The following DIP2B variants were observed in gnomAD, a reference collection of about 807,000 sequenced individuals.
The protein encoded by DIP2B is DIP2 acetate--CoA ligase B (putative).
Under a neutral mutation model 198.0 loss-of-function variants are expected in DIP2B, and 76 were observed. The ratio of observed to expected loss-of-function variants is 0.38; its 90% CI spans 0.32 to 0.46. DIP2B has a LOEUF of 0.46. Ranked by LOEUF, DIP2B falls within the 20% of genes least tolerant of loss-of-function variation. The pLI is 0.99. For missense variants in DIP2B, 1,559 were observed against 1,978.4 expected, an observed-to-expected ratio of 0.79 and a Z score of 4.02; for synonymous variants, 701 against 739.1, an observed-to-expected ratio of 0.95 and a Z score of 0.84.
chr12:50,575,993 G>C (rs1189867271), intron 1 of DIP2B, among the ~76,000 whole-genome samples: 1 of 152,002 alleles, frequency 6.6e-6, no homozygotes, highest in Non-Finnish European at 1.5e-5. Context: ...CCTGACCTTA[G>C]ATGATCTGCC....
Position 50,576,138 on chromosome 12 carries a change from C to T in DIP2B, c.101-49838C>T, listed in dbSNP as rs544142412. On this transcript the variant is annotated intron_variant, in intron 1 of 37. Transcript: ENST00000301180. Reference sequence around the variant, plus strand: ...AGGCTGGAGTGCAGTGGCGTGATCTCGGCTTACTACAACCTCCGCCTCCTG... The same window carrying T: ...AGGCTGGAGTGCAGTGGCGTGATCTTGGCTTACTACAACCTCCGCCTCCTG... Among the ~76,000 whole-genome samples, 158 of 151,190 alleles carry T rather than the reference C, an allele frequency of 1.0e-3. 1 individual carries two copies. Among genetic ancestry groups the T allele is most frequent in the African/African-American group, 3.7e-3 (152 of 41,136 alleles).
At chr12:50,629,365 C>T (rs924839204) in intron 2 of DIP2B, among the ~76,000 whole-genome samples, 1 of 152,166 alleles carries the variant, frequency 6.6e-6, no homozygotes, top group Non-Finnish European at 1.5e-5. Flanking sequence ...TGTTAATACA[C>T]AGACTGCAGG....
In DIP2B at chr12:50,738,418, A is replaced by G. The variant is rs576907275; in HGVS notation, c.4177-991A>G. ...GAGGCTGAAGCAGGAGTTTGAGGCC[A>G]CTCCACTTTGAGGCCAGGAGTTTGA... On this transcript the variant is annotated intron_variant, in intron 35 of 37. Transcript: ENST00000301180. Among the ~76,000 whole-genome samples the G allele has an allele frequency of 3.3e-5, 5 of 152,126 alleles. No homozygotes were observed. The East Asian group carries it at 9.7e-4, about 29-fold the overall frequency.
At chr12:50,617,420 G>T (rs933257364) in intron 1 of DIP2B, among the ~76,000 whole-genome samples, 2 of 151,804 alleles carry the variant, frequency 1.3e-5, no homozygotes, top group African/African-American at 2.4e-5. Flanking sequence ...CTCCCAAAGT[G>T]CTGGGATTAC....
chr12:50,653,341 C>CTTTTTTTTTTTTTTTTTTT (rs1323702401), intron 3 of DIP2B, among the ~76,000 whole-genome samples: 5 of 70,142 alleles, frequency 7.1e-5, no homozygotes, highest in Non-Finnish European at 1.2e-4. Flanking sequence ...TTTTTTTTTT[C>CTTTTTTTTTTTTTTTTTTT]TTTTCTTTTT....
At position 50,559,578 on chromosome 12, in the gene DIP2B, A is replaced by G. The variant is rs562983978; in HGVS notation, c.100+54338A>G. Among the ~76,000 whole-genome samples the G allele has an allele frequency of 1.2e-3, 182 of 152,126 alleles. 4 individuals are homozygous for G. The Middle Eastern group carries it at 0.024, about 20-fold the overall frequency. ...CAACATAGCAAGATCTGGTCTCCACAAAAAATTAGCCAGGTGTGGTGGTGC... is the reference window on the plus strand; with the variant it reads ...CAACATAGCAAGATCTGGTCTCCACGAAAAATTAGCCAGGTGTGGTGGTGC... On this transcript the variant is annotated intron_variant, in intron 1 of 37. Transcript: ENST00000301180.
intron 14 of DIP2B, among the ~76,000 whole-genome samples, chr12:50,694,057 G>A (rs1239834506): frequency 6.6e-6 from 1 of 152,120 alleles, no homozygotes; most frequent in African/African-American, 2.4e-5. Context: ...GATGTAGGCA[G>A]GACCTCCTGT....
intron 1 of DIP2B, among the ~76,000 whole-genome samples, chr12:50,527,129 A>G (rs969535840): frequency 2.0e-5 from 3 of 152,232 alleles, no homozygotes; most frequent in Non-Finnish European, 4.4e-5. Context: ...TCTTGGCTAC[A>G]TTCCATCTTT....
chr12:50,595,925 A>G (rs1199278785), intron 1 of DIP2B, among the ~76,000 whole-genome samples: 1 of 152,190 alleles, frequency 6.6e-6, no homozygotes, highest in Non-Finnish European at 1.5e-5. Context: ...CTCAAGGAGT[A>G]GGATTTCTTT....
chr12:50,567,878 G>A (rs1958579889), intron 1 of DIP2B, among the ~76,000 whole-genome samples: 1 of 152,168 alleles, frequency 6.6e-6, no homozygotes, highest in Non-Finnish European at 1.5e-5. Flanking sequence ...TTGGGTATCT[G>A]TTGATTGTCT....
intron 1 of DIP2B, among the ~76,000 whole-genome samples, chr12:50,623,437 ACTCTCTCTCT>A (rs142536204): frequency 2.6e-4 from 15 of 57,164 alleles, no homozygotes; most frequent in African/African-American, 1.1e-3. Context: ...ACACACACAC[ACTCTCTCTCT>A]CTCTCTCTCT....
chr12:50,673,336 G>T lies in DIP2B; in HGVS notation c.641-1138G>T, dbSNP rs555749297. Among the ~76,000 whole-genome samples, 147 of 152,196 alleles carry T rather than the reference G, an allele frequency of 9.7e-4. 1 individual carries two copies. The highest frequency in any genetic ancestry group is 5.9e-3 in the Admixed American group (90 of 15,294). ...CAAAAAACTTAGAAGAAAACATCTG[G>T]AGAAGTAAGAAGAAGGAAATTAGAG... On this transcript the variant is annotated intron_variant, in intron 5 of 37. Transcript: ENST00000301180.
chr12:50,723,834 T>G (rs1194651435), intron 27 of DIP2B, among the ~76,000 whole-genome samples: 2 of 152,234 alleles, frequency 1.3e-5, no homozygotes, highest in African/African-American at 4.8e-5. Flanking sequence ...CGATTTTAAA[T>G]GCCAAACTGA....
At chr12:50,716,957 G>GTTTTTTTTTTTTTT (rs1592140618) in intron 23 of DIP2B, among the ~76,000 whole-genome samples, 1 of 7,792 alleles carries the variant, frequency 1.3e-4, no homozygotes, top group African/African-American at 2.2e-4. Context: ...ACGAATTGTT[G>GTTTTTTTTTTTTTT]CTTTTTTTTT....
chr12:50,539,724 G>T (rs1459637812), intron 1 of DIP2B, among the ~76,000 whole-genome samples: 1 of 151,922 alleles, frequency 6.6e-6, no homozygotes, highest in Non-Finnish European at 1.5e-5. Flanking sequence ...ACCTCTGAAG[G>T]CCCCGTGGGC....
chr12:50,688,840 T>C (rs1365943090), intron 12 of DIP2B, among the ~76,000 whole-genome samples: 1 of 152,168 alleles, frequency 6.6e-6, no homozygotes, highest in African/African-American at 2.4e-5. Context: ...CTTTATTGGC[T>C]CTCCGAAAGG....
intron 1 of DIP2B, among the ~76,000 whole-genome samples, chr12:50,508,997 G>T (rs1957991554): frequency 6.6e-6 from 1 of 152,142 alleles, no homozygotes; most frequent in South Asian, 2.1e-4. Flanking sequence ...ACTGCACCTG[G>T]CCCTAAACAG....
At chr12:50,666,765 T>G (rs1216337882) in intron 4 of DIP2B, among the ~76,000 whole-genome samples, 1 of 152,136 alleles carries the variant, frequency 6.6e-6, no homozygotes, top group African/African-American at 2.4e-5. Flanking sequence ...CTCACGCCTG[T>G]AATCCCAGAA....
At chr12:50,674,444 A>G (rs1938909479) in intron 5 of DIP2B, 30 bp from the exon 6 acceptor site, 1 of 1,613,192 alleles carries the variant, frequency 6.2e-7, no homozygotes, top group Non-Finnish European at 8.5e-7. Context: ...TGCTGCTAAT[A>G]TAATTCTAAA....
Sources: gnomAD v4.1 joint callset for allele counts (sites outside exome capture counted in the v4.1 genomes callset) on GRCh38, gnomAD v4.1.1 for gene constraint, MANE v1.5 for transcripts, NCBI Gene and HGNC (gene_info 2026-07-23, HGNC 2026-07-21) for gene names.